The following DROSHA variants were observed in gnomAD, a reference collection of about 807,000 sequenced individuals.
DROSHA encodes drosha ribonuclease III, also known as ribonuclease 3.
DROSHA carries 56 observed loss-of-function variants against 181.9 expected under a neutral mutation model. That is an observed-to-expected ratio of 0.31 (90% confidence interval 0.25 to 0.38). The LOEUF is 0.38. Among genes scored for constraint, DROSHA ranks in the 10% least tolerant of loss-of-function variants. DROSHA has a pLI of 1.00. For missense variants in DROSHA, 1,218 were observed against 1,743.5 expected (o/e 0.70, Z 5.37); for synonymous variants, 524 against 591.2 (o/e 0.89, Z 1.65).
chr5:31,455,317 A>C (rs949836241), intron 20 of DROSHA, among the ~76,000 whole-genome samples: 6 of 152,110 alleles, frequency 3.9e-5, no homozygotes, highest in Admixed American at 6.5e-5. Flanking sequence ...CTACTTCTTG[A>C]ATGAAGAATT....
intron 29 of DROSHA, chr5:31,421,882 A>ATATATATATATATATATAT (rs1742712435): frequency 1.0e-5 from 1 of 96,742 alleles, no homozygotes; most frequent in Non-Finnish European, 1.8e-5. Context: ...AAAAAAAAAA[A>ATATATATATATATATATAT]AAAAAAAAAA....
Position 31,530,879 on chromosome 5 carries a change from G to T in DROSHA, c.-128C>A. The T allele has an allele frequency of 2.5e-6, 1 of 398,524 alleles. No individual in the cohort carries two copies. Among genetic ancestry groups the T allele is most frequent in the South Asian group, 1.3e-4 (1 of 7,844 alleles). The allele number at this position is 398,524 out of a possible 1,614,324, so 24.7% of individuals were successfully genotyped here. A position where few individuals can be genotyped will look rare whatever the true frequency, so the allele number is the denominator to read the frequency against. On this transcript the variant is annotated 5_prime_UTR_variant, in exon 3 of 36. Transcript: ENST00000344624. The stretch of plus-strand genomic sequence containing the variant: ...TATCAGCTCCTTGATGATATGGGTT[G>T]ATTCACAGTCATTTCTGTATCCTTC...
intron 10 of DROSHA, chr5:31,505,565 A>C (rs1426265308): frequency 1.3e-5 from 2 of 152,244 alleles, no homozygotes; most frequent in African/African-American, 4.8e-5. Context: ...AGGGCCTCAC[A>C]AGCCAGGTTC....
intron 5 of DROSHA, among the ~76,000 whole-genome samples, chr5:31,521,472 G>T (rs1277639235): frequency 6.6e-6 from 1 of 152,072 alleles, no homozygotes; most frequent in Non-Finnish European, 1.5e-5. Flanking sequence ...CGCAATAATG[G>T]GAATTTTATC....
rs537001639 is a variant in DROSHA at position 31,510,905 on chromosome 5, G to T, written c.1432+130C>A. ...AAGTTCTACTGCTATGTATCTTACT[G>T]ACTGTAATTAAGAAAAATAAAATGA... On this transcript the variant is annotated intron_variant, in intron 9 of 35. Coordinates refer to ENST00000344624, the MANE Select transcript of DROSHA (RefSeq NM_001382508.1). 7.6e-6 allele frequency: 9 copies of T among 1,183,054 alleles called. No individual in the cohort carries two copies. In the Admixed American group the frequency reaches 1.8e-4, roughly 23 times the overall value. The allele number at this position is 1,183,054 out of a possible 1,614,324, so 73.3% of individuals were successfully genotyped here.
Position 31,526,073 on chromosome 5 carries a change from G to C in DROSHA, c.854+6C>G, listed in dbSNP as rs771606622. ...TTCATTAAAGAACTACACACAAGCG[G>C]TTTACCTGCTCCGTTCGTAGCTGCG... On this transcript the variant is annotated splice_donor_region_variant and intron_variant, in intron 5 of 35. Transcript: ENST00000344624. 1.3e-6 allele frequency: 2 copies of C among 1,573,534 alleles called. No homozygotes were observed. The highest frequency in any genetic ancestry group is 1.7e-6 in the Non-Finnish European group (2 of 1,154,296).
At position 31,433,701 on chromosome 5, in the gene DROSHA, C is replaced by T. The variant is rs576882309; in HGVS notation, c.3043-2023G>A. Among the ~76,000 whole-genome samples, 22 of 152,222 alleles carry T rather than the reference C, an allele frequency of 1.4e-4. No individual in the cohort carries two copies. In the East Asian group the frequency reaches 2.3e-3, roughly 16 times the overall value. ...CCGGGACTACAGGCGCCTGCCACCA[C>T]GCCTGGCTAATTTTTTTGTATTTTT... On this transcript the variant is annotated intron_variant, in intron 25 of 35. Coordinates refer to ENST00000344624, the MANE Select transcript of DROSHA (RefSeq NM_001382508.1).
At chr5:31,531,015 C>T (rs1385196831) in intron 2 of DROSHA, 91 bp from the exon 3 acceptor site, 4 of 393,376 alleles carry the variant, frequency 1.0e-5, no homozygotes, top group East Asian at 7.2e-5. Flanking sequence ...CATGTACCTC[C>T]GCAACAGAAA....
At chr5:31,446,268 G>A (rs115547146) in intron 23 of DROSHA, among the ~76,000 whole-genome samples, 6,713 of 151,764 alleles carry the variant, frequency 0.044, 162 homozygotes, top group Middle Eastern at 0.13. Flanking sequence ...AACACAGTGA[G>A]ACCCTGTCTC....
intron 20 of DROSHA, among the ~76,000 whole-genome samples, chr5:31,462,079 G>A (rs1748472684): frequency 6.6e-6 from 1 of 152,110 alleles, no homozygotes; most frequent in South Asian, 2.1e-4. Context: ...TGTTGCCACT[G>A]TGTAAGTGGC....
At chr5:31,421,399 T>C in intron 29 of DROSHA, 22 bp from the exon 30 acceptor site, 1 of 1,571,604 alleles carries the variant, frequency 6.4e-7, no homozygotes, top group Non-Finnish European at 8.7e-7. Context: ...AACATCAAAG[T>C]AAAGAAATCA....
chr5:31,417,819 A>G (rs1232374456), intron 30 of DROSHA, among the ~76,000 whole-genome samples: 41 of 152,164 alleles, frequency 2.7e-4, no homozygotes, highest in Non-Finnish European at 1.2e-4. Context: ...ATGAAAGGCC[A>G]GCGTAGATTT....
chr5:31,464,231 C>T lies in DROSHA; in HGVS notation c.2574+5G>A. The T allele has an allele frequency of 6.2e-7, 1 of 1,612,776 alleles. No homozygotes were observed. Among genetic ancestry groups the T allele is most frequent in the Non-Finnish European group, 8.5e-7 (1 of 1,179,204 alleles). Reference sequence around the variant, plus strand: ...GCATAACTGTGTCCTCAGAAGTCTCCCCACCTGACAGACATCAGAACGGAT... The same window carrying T: ...GCATAACTGTGTCCTCAGAAGTCTCTCCACCTGACAGACATCAGAACGGAT... On this transcript the variant is annotated splice_donor_5th_base_variant and intron_variant, in intron 20 of 35. Transcript: ENST00000344624.
At chr5:31,412,496 T>G (rs193116410) in intron 30 of DROSHA, among the ~76,000 whole-genome samples, 1 of 152,286 alleles carries the variant, frequency 6.6e-6, no homozygotes, top group Admixed American at 6.5e-5. Flanking sequence ...AAATCAAGAT[T>G]TATTCTTAGT....
rs59534292 is a variant in DROSHA, at chr5:31,421,898, T to TATATATATATATATGCGCC, written c.3420-522_3420-521insGGCGCATATATATATATAT. On this transcript the variant is annotated intron_variant, in intron 29 of 35. Coordinates refer to ENST00000344624, the MANE Select transcript of DROSHA (RefSeq NM_001382508.1). ...AAAAAAAAAAAAAAAAAAAAAAATA[T>TATATATATATATATGCGCC]ATATATATAAAAATTAGCCGTGTGT... The TATATATATATATATGCGCC allele has an allele frequency of 1.1e-3, 54 of 50,440 alleles. 1 individual carries two copies. The highest frequency in any genetic ancestry group is 4.9e-3 in the African/African-American group (41 of 8,356). The allele number at this position is 50,440 out of a possible 1,614,324, so 3.1% of individuals were successfully genotyped here.
chr5:31,513,640 A>T (rs1384215166), intron 8 of DROSHA, among the ~76,000 whole-genome samples: 1 of 152,252 alleles, frequency 6.6e-6, no homozygotes, highest in Non-Finnish European at 1.5e-5. Flanking sequence ...CCAAAAACAC[A>T]GAAATCTCCT....
At chr5:31,469,077 G>C (rs1749439851) in intron 17 of DROSHA, among the ~76,000 whole-genome samples, 1 of 152,180 alleles carries the variant, frequency 6.6e-6, no homozygotes, top group South Asian at 2.1e-4. Context: ...GGATAAACTT[G>C]GGTGAATTCA....
At chr5:31,479,043 T>C (rs1451220004) in intron 16 of DROSHA, among the ~76,000 whole-genome samples, 1 of 152,026 alleles carries the variant, frequency 6.6e-6, no homozygotes, top group African/African-American at 2.4e-5. Flanking sequence ...TATAAACAAA[T>C]TAATGTCCAT....
intron 22 of DROSHA, 69 bp from the exon 23 acceptor site, chr5:31,448,676 G>T: frequency 1.6e-6 from 2 of 1,230,992 alleles, no homozygotes; most frequent in Non-Finnish European, 1.2e-6. Flanking sequence ...TCATATTACA[G>T]TAGAAAAAAA....
Sources: gnomAD v4.1 joint callset for allele counts (sites outside exome capture counted in the v4.1 genomes callset) on GRCh38, gnomAD v4.1.1 for gene constraint, MANE v1.5 for transcripts, NCBI Gene and HGNC (gene_info 2026-07-23, HGNC 2026-07-21) for gene names.